The following PTGFRN variants were observed in gnomAD, a reference collection of about 807,000 sequenced individuals.
PTGFRN encodes the protein prostaglandin F2 receptor negative regulator.
Under a neutral mutation model 83.2 loss-of-function variants are expected in PTGFRN, and 35 were observed. The observed-to-expected ratio is 0.42, with a 90% confidence interval of 0.32 to 0.56. The LOEUF (loss-of-function observed/expected upper bound fraction) is 0.56, where lower values mean the gene tolerates loss of function less well. Ranked by LOEUF, PTGFRN falls within the 20% of genes least tolerant of loss-of-function variation. The pLI, the probability that PTGFRN is intolerant of heterozygous loss-of-function variation, is 0.11. For synonymous variants in PTGFRN, 519 were observed against 498.6 expected, an observed-to-expected ratio of 1.04 and a Z score of -0.55; for missense variants, 1,051 against 1,179.5, an observed-to-expected ratio of 0.89 and a Z score of 1.60.
chr1:116,973,386 C>T (rs1257079351), intron 6 of PTGFRN, among the ~76,000 whole-genome samples: 3 of 152,068 alleles, frequency 2.0e-5, no homozygotes. Flanking sequence ...GGGCAGATCA[C>T]TTGAGGTCAG....
Position 116,984,914 on chromosome 1 carries a change from C to A in PTGFRN, c.2402C>A (p.Ser801Ter). The A allele has an allele frequency of 2.5e-6, 4 of 1,614,184 alleles. No individual in the cohort carries two copies. The highest frequency in any genetic ancestry group is 3.4e-6 in the Non-Finnish European group (4 of 1,180,024). ...YYCSVTPWVK[S>*]PTGSWQKEAE... ...TGTTCCGTGACTCCATGGGTGAAGT[C>A]ACCAACAGGTTCCTGGCAGAAGGAG... Residue 801 changes from serine to a stop codon, truncating the protein, a stop_gained, in exon 8 of 9, where the codon TCA becomes TAA. Transcript: ENST00000393203. LOFTEE classifies it high-confidence loss of function.
At chr1:116,922,586 C>T (rs2101052931) in intron 1 of PTGFRN, among the ~76,000 whole-genome samples, 1 of 152,304 alleles carries the variant, frequency 6.6e-6, no homozygotes, top group Non-Finnish European at 1.5e-5. Context: ...GTGGCATATG[C>T]TGCCCAGTGG....
At position 116,961,148 on chromosome 1, in the gene PTGFRN, TAAAAC is replaced by T. The variant is rs1650649232; in HGVS notation, c.1214-92_1214-88del. 3 of 1,284,200 alleles carry T rather than the reference TAAAAC, an allele frequency of 2.3e-6. No individual in the cohort carries two copies. Among genetic ancestry groups the T allele is most frequent in the South Asian group, 2.2e-5 (1 of 46,218 alleles). The allele number at this position is 1,284,200 out of a possible 1,614,324, so 79.6% of individuals were successfully genotyped here. ...TCCGGCAGGAGAAGCATTTAATTGT[TAAAAC>T]AAGAGCAGTCCTTGTCTCATTCCTT... On this transcript the variant is annotated intron_variant, in intron 4 of 8. Coordinates refer to ENST00000393203, the MANE Select transcript of PTGFRN (RefSeq NM_020440.4). This position sits in a 1 kb window ranked among gnomAD's most constrained non-coding sequence, Gnocchi z 5.4.
intron 5 of PTGFRN, among the ~76,000 whole-genome samples, chr1:116,962,179 C>T (rs769389789): frequency 2.6e-5 from 4 of 152,142 alleles, no homozygotes; most frequent in African/African-American, 4.8e-5. Context: ...ATCATCACAC[C>T]ATACCACCTC....
chr1:116,987,106 T>C lies in PTGFRN; in HGVS notation c.*139T>C. ...TCAGGTGGGACTTGGCGCTCTCTCT[T>C]TTCTGCATGTCAAGTTCTGAGCGCG... is the stretch of plus-strand genomic sequence containing the variant. On this transcript the variant is annotated 3_prime_UTR_variant, in exon 9 of 9. Coordinates refer to ENST00000393203, the MANE Select transcript of PTGFRN (RefSeq NM_020440.4). 4.1e-6 allele frequency: 4 copies of C among 968,610 alleles called. No homozygotes were observed. Among genetic ancestry groups the C allele is most frequent in the Non-Finnish European group, 6.0e-6 (4 of 661,590 alleles). The allele number at this position is 968,610 out of a possible 1,614,324, so 60.0% of individuals were successfully genotyped here.
chr1:116,949,292 C>G lies in PTGFRN; in HGVS notation c.933C>G (p.Pro311=). ...CAGACCGAGCCGATGACGTCCGGCC[C>G]GAGGTGACGTGGTCCTTCAGCAGGA... ...ITTDRADDVR[P]EVTWSFSRMP... is the part of the protein sequence containing the mutation. Residue 311 remains proline (P), a synonymous_variant, in exon 4 of 9, where the codon CCC becomes CCG. Coordinates refer to ENST00000393203, the MANE Select transcript of PTGFRN (RefSeq NM_020440.4). 1 of 1,614,138 alleles carries G rather than the reference C, an allele frequency of 6.2e-7. No individual in the cohort carries two copies. The highest frequency in any genetic ancestry group is 8.5e-7 in the Non-Finnish European group (1 of 1,180,058).
At chr1:116,976,449 A>C (rs978232168) in intron 7 of PTGFRN, among the ~76,000 whole-genome samples, 13 of 152,208 alleles carry the variant, frequency 8.5e-5, no homozygotes, top group African/African-American at 2.4e-4. Context: ...AAATGAAGGA[A>C]AAAATGTTAA....
chr1:116,956,312 A>C lies in PTGFRN; in HGVS notation c.1214-4931A>C, dbSNP rs1221113715. The stretch of plus-strand genomic sequence containing the variant: ...TGAGGCCTAAGGTTAGTTTTAAGAG[A>C]AAATGAAGAGACCAACTGTTGAGGT... On this transcript the variant is annotated intron_variant, in intron 4 of 8. Transcript: ENST00000393203. Among the ~76,000 whole-genome samples the C allele has an allele frequency of 2.0e-5, 3 of 152,230 alleles. No homozygotes were observed. The East Asian group carries it at 5.8e-4, about 29-fold the overall frequency.
intron 1 of PTGFRN, among the ~76,000 whole-genome samples, chr1:116,937,717 T>C (rs1649957285): frequency 6.6e-6 from 1 of 152,080 alleles, no homozygotes; most frequent in Non-Finnish European, 1.5e-5. Context: ...GCCAGCTTCT[T>C]GACAAGGGAT....
chr1:116,958,689 C>T lies in PTGFRN; in HGVS notation c.1214-2554C>T, dbSNP rs1650565880. Among the ~76,000 whole-genome samples the T allele has an allele frequency of 6.6e-6, 1 of 152,164 alleles. No homozygotes were observed. The highest frequency in any genetic ancestry group is 1.5e-5 in the Non-Finnish European group (1 of 68,016). ...ATTATGAGCTAGTTACTGTCATCCC[C>T]ATTTGTATGGGTGAGGCACCAGAGA... On this transcript the variant is annotated intron_variant, in intron 4 of 8. Transcript: ENST00000393203. This position sits in a 1 kb window ranked among gnomAD's most constrained non-coding sequence, Gnocchi z 4.9.
intron 1 of PTGFRN, among the ~76,000 whole-genome samples, chr1:116,927,525 C>CTTTTTTTTTTTTT (rs1171564821): frequency 8.0e-5 from 10 of 124,390 alleles, no homozygotes; most frequent in African/African-American, 3.8e-4. Flanking sequence ...CCTTGCTTAC[C>CTTTTTTTTTTTTT]TTTTTTTTTT....
At chr1:116,960,596 G>A (rs765049302) in intron 4 of PTGFRN, among the ~76,000 whole-genome samples, 2 of 152,306 alleles carry the variant, frequency 1.3e-5, no homozygotes, top group South Asian at 2.1e-4. Flanking sequence ...TGGCAGTAGC[G>A]AGAATGTCTG....
At chr1:116,920,257 C>A (rs1381903690) in intron 1 of PTGFRN, among the ~76,000 whole-genome samples, 1 of 152,260 alleles carries the variant, frequency 6.6e-6, no homozygotes, top group Non-Finnish European at 1.5e-5. Flanking sequence ...GAAGTGTCCC[C>A]ACCACCAGGC....
chr1:116,977,603 A>G (rs565441619), intron 7 of PTGFRN, among the ~76,000 whole-genome samples: 1 of 152,358 alleles, frequency 6.6e-6, no homozygotes, highest in African/African-American at 2.4e-5. Flanking sequence ...AAACTGAACA[A>G]CCTGCTCCTG....
intron 4 of PTGFRN, among the ~76,000 whole-genome samples, chr1:116,954,143 C>T (rs1650422841): frequency 6.6e-6 from 1 of 151,988 alleles, no homozygotes; most frequent in Non-Finnish European, 1.5e-5. Flanking sequence ...CAGGTGTGAG[C>T]CACCGTGCCT....
rs763218015 is a variant in PTGFRN, at chr1:116,967,323, A to G, written c.2052A>G (p.Gln684=). 5.0e-6 allele frequency: 8 copies of G among 1,609,266 alleles called. No homozygotes were observed. The East Asian group carries it at 8.9e-5, about 18-fold the overall frequency. Reference sequence around the variant, plus strand: ...CCAATCCTATTGAGATAGACTTCCAAACCTCAGGTGAGCAGTGAGCCCTGT... The same window carrying G: ...CCAATCCTATTGAGATAGACTTCCAGACCTCAGGTGAGCAGTGAGCCCTGT... ...SLSNPIEIDF[Q]TSGPIFNASV... is the part of the protein sequence containing the mutation. The change falls in exon 6 of 9, where the codon CAA becomes CAG. Residue 684 remains glutamine, a synonymous_variant. Coordinates refer to ENST00000393203, the MANE Select transcript of PTGFRN (RefSeq NM_020440.4).
Position 116,941,650 on chromosome 1 carries a change from G to C in PTGFRN, c.50-65G>C. ...TGTGAGCAGGAGCATCCACAGGTTT[G>C]CCACATTTGTCCTGGGAAGACTTTC... On this transcript the variant is annotated intron_variant, in intron 1 of 8. Transcript: ENST00000393203. This position sits in a 1 kb window ranked among gnomAD's most constrained non-coding sequence, Gnocchi z 5.0. The C allele has an allele frequency of 6.5e-7, 1 of 1,537,388 alleles. No individual in the cohort carries two copies. Among genetic ancestry groups the C allele is most frequent in the Non-Finnish European group, 8.7e-7 (1 of 1,146,434 alleles).
chr1:116,978,944 C>A (rs1651233744), intron 7 of PTGFRN, among the ~76,000 whole-genome samples: 1 of 152,148 alleles, frequency 6.6e-6, no homozygotes. Flanking sequence ...TCCCTGTTTG[C>A]AGATGACATG....
intron 8 of PTGFRN, 94 bp from the exon 9 acceptor site, chr1:116,986,707 G>T: frequency 7.9e-7 from 1 of 1,262,790 alleles, no homozygotes; most frequent in Non-Finnish European, 1.1e-6. Context: ...TCTCTCGGGA[G>T]ATCCTGCTCC....
Sources: allele counts gnomAD v4.1 joint callset (sites outside exome capture counted in the v4.1 genomes callset), GRCh38; gene constraint gnomAD v4.1.1; non-coding constraint Gnocchi (gnomAD v3.1); transcripts MANE v1.5; gene names NCBI Gene and HGNC (gene_info 2026-07-23, HGNC 2026-07-21).